The following GPC6 variants were observed in gnomAD, a reference collection of about 807,000 sequenced individuals.
The protein encoded by GPC6 is glypican 6, also known as glypican-6.
Under a neutral mutation model 55.2 loss-of-function variants are expected in GPC6, and 14 were observed. The observed-to-expected ratio is 0.25, with a 90% CI of 0.17 to 0.40. The LOEUF (loss-of-function observed/expected upper bound fraction) is 0.40. Among genes scored for constraint, GPC6 ranks in the 10% least tolerant of loss-of-function variants. The pLI, the probability that GPC6 is intolerant of heterozygous loss-of-function variation, is 1.00. For missense variants in GPC6, 641 were observed against 708.5 expected (o/e 0.90, Z 1.08); for synonymous variants, 278 against 259.6 (o/e 1.07, Z -0.68).
At chr13:94,274,404 C>G (rs549997229) in intron 4 of GPC6, among the ~76,000 whole-genome samples, 24 of 152,210 alleles carry the variant, frequency 1.6e-4, no homozygotes, top group Non-Finnish European at 4.4e-5. Context: ...GGATGGCTGT[C>G]CCTGTTTTAT....
intron 2 of GPC6, among the ~76,000 whole-genome samples, chr13:93,742,364 T>A (rs771273678): frequency 1.3e-5 from 2 of 152,250 alleles, no homozygotes; most frequent in Non-Finnish European, 2.9e-5. Flanking sequence ...CATTAAATGA[T>A]AGAGAGTTTG....
chr13:93,715,753 T>C (rs917154696), intron 2 of GPC6, among the ~76,000 whole-genome samples: 2 of 151,670 alleles, frequency 1.3e-5, no homozygotes, highest in Non-Finnish European at 3.0e-5. Context: ...ATGGGAATGG[T>C]GATTATTTTA....
intron 2 of GPC6, among the ~76,000 whole-genome samples, chr13:93,692,014 A>G (rs1374549610): frequency 6.6e-6 from 1 of 152,064 alleles, no homozygotes; most frequent in Non-Finnish European, 1.5e-5. Context: ...TTGAATTGCC[A>G]TTTATGTAAA....
chr13:93,879,842 T>C (rs1290673631), intron 3 of GPC6, among the ~76,000 whole-genome samples: 7 of 151,960 alleles, frequency 4.6e-5, no homozygotes, highest in Non-Finnish European at 1.0e-4. Context: ...ATCCAGAATC[T>C]ACAATGAACT....
intron 6 of GPC6, among the ~76,000 whole-genome samples, chr13:94,380,440 G>GA (rs1327375918): frequency 2.6e-5 from 4 of 151,238 alleles, no homozygotes; most frequent in Non-Finnish European, 5.9e-5. Flanking sequence ...ATTTTACTTT[G>GA]AAAAAAAAGT....
In GPC6 at chr13:94,067,098, C is replaced by A. The variant is rs75369153; in HGVS notation, c.877+39204C>A. 1.4e-4 allele frequency among the ~76,000 whole-genome samples: 22 copies of A among 152,108 alleles called. No homozygotes were observed. The South Asian group carries it at 4.4e-3, about 30-fold the overall frequency. On this transcript the variant is annotated intron_variant, in intron 4 of 8. Transcript: ENST00000377047. ...AGTTTAGGTCACTAGACCTTCTTTG[C>A]GACTAATGAGGAATACACTACATAA...
chr13:93,278,005 A>G (rs549159421), intron 1 of GPC6, among the ~76,000 whole-genome samples: 5 of 152,302 alleles, frequency 3.3e-5, no homozygotes, highest in East Asian at 1.9e-4. Flanking sequence ...CCTCTTTACT[A>G]TAGTTCCTGG....
chr13:94,228,813 G>T (rs1266511959), intron 4 of GPC6, among the ~76,000 whole-genome samples: 1 of 116,676 alleles, frequency 8.6e-6, no homozygotes, highest in Non-Finnish European at 1.9e-5. Context: ...AAAAAAAAAA[G>T]TCTAGACAGA....
intron 1 of GPC6, among the ~76,000 whole-genome samples, chr13:93,498,549 T>C (rs572631312): frequency 7.2e-5 from 11 of 152,322 alleles, no homozygotes; most frequent in African/African-American, 2.6e-4. Context: ...ACTCTCATGA[T>C]AGTGAGTAAG....
intron 1 of GPC6, among the ~76,000 whole-genome samples, chr13:93,377,777 C>A (rs1051406714): frequency 6.6e-6 from 1 of 152,272 alleles, no homozygotes; most frequent in East Asian, 1.9e-4. Context: ...AAACAAAATG[C>A]TTATGTTATA....
At chr13:93,917,894 C>T (rs766508267) in intron 3 of GPC6, among the ~76,000 whole-genome samples, 1 of 152,026 alleles carries the variant, frequency 6.6e-6, no homozygotes, top group African/African-American at 2.4e-5. Flanking sequence ...CTCAGGAGTT[C>T]GAGACTAGCC....
chr13:93,667,528 G>C (rs1199661203), intron 2 of GPC6, among the ~76,000 whole-genome samples: 1 of 151,868 alleles, frequency 6.6e-6, no homozygotes, highest in East Asian at 1.9e-4. Context: ...CGCCTCACAG[G>C]TTCAAGTGAT....
chr13:93,887,362 T>C (rs576185890), intron 3 of GPC6, among the ~76,000 whole-genome samples: 20 of 152,036 alleles, frequency 1.3e-4, no homozygotes, highest in Non-Finnish European at 2.5e-4. Flanking sequence ...AGTATATATC[T>C]AAAAAGTAAT....
At chr13:93,450,017 C>T (rs551518028) in intron 1 of GPC6, among the ~76,000 whole-genome samples, 91 of 152,032 alleles carry the variant, frequency 6.0e-4, no homozygotes, top group African/African-American at 2.1e-3. Context: ...CTCTTGACCT[C>T]GTGACCTGCC....
intron 1 of GPC6, among the ~76,000 whole-genome samples, chr13:93,540,868 T>A (rs528354366): frequency 6.6e-6 from 1 of 152,296 alleles, no homozygotes; most frequent in South Asian, 2.1e-4. Context: ...CAGCCTCTAG[T>A]ATCCTCTGTT....
intron 2 of GPC6, among the ~76,000 whole-genome samples, chr13:93,799,953 G>C (rs1216150736): frequency 6.6e-6 from 1 of 151,930 alleles, no homozygotes; most frequent in Non-Finnish European, 1.5e-5. Flanking sequence ...GTGGACAGTA[G>C]CCTGGGTTGT....
At chr13:93,322,431 C>CTTTTTTTT (rs71272281) in intron 1 of GPC6, among the ~76,000 whole-genome samples, 99 of 96,756 alleles carry the variant, frequency 1.0e-3, no homozygotes, top group East Asian at 1.8e-3. Flanking sequence ...TTTCTTTCTT[C>CTTTTTTTT]TTTTTTTTTT....
intron 3 of GPC6, among the ~76,000 whole-genome samples, chr13:93,835,812 G>A (rs1255439643): frequency 2.0e-5 from 3 of 151,996 alleles, no homozygotes; most frequent in Non-Finnish European, 4.4e-5. Context: ...ATGAGTAAAC[G>A]CTGTAAATTG....
chr13:93,774,411 TA>T (rs1167720361), intron 2 of GPC6, among the ~76,000 whole-genome samples: 3 of 152,180 alleles, frequency 2.0e-5, no homozygotes, highest in Admixed American at 6.6e-5. Context: ...TATCACAAAG[TA>T]TCTTATATTT....
Sources: allele counts gnomAD v4.1 joint callset (sites outside exome capture counted in the v4.1 genomes callset), GRCh38; gene constraint gnomAD v4.1.1; transcripts MANE v1.5; gene names NCBI Gene and HGNC (gene_info 2026-07-23, HGNC 2026-07-21).